The following CCDC63 variants were observed in gnomAD, a reference collection of about 807,000 sequenced individuals.
The protein encoded by CCDC63 is coiled-coil domain-containing protein 63.
In CCDC63, 54 loss-of-function variants were observed where a neutral mutation model predicts 63.6. The observed-to-expected ratio is 0.85, with a 90% CI of 0.68 to 1.07. The LOEUF is 1.07. CCDC63 is among the 50% of genes least tolerant of loss of function. The pLI is 0.00. For synonymous variants in CCDC63, 253 were observed against 266.1 expected (o/e 0.95, Z 0.48); for missense variants, 637 against 689.6 (o/e 0.92, Z 0.86).
At chr12:110,849,902 G>A (rs1472838262) in intron 1 of CCDC63, among the ~76,000 whole-genome samples, 1 of 152,180 alleles carries the variant, frequency 6.6e-6, no homozygotes, top group African/African-American at 2.4e-5. Flanking sequence ...CATTGACAAA[G>A]GGAAGTGGGG....
At chr12:110,861,376 C>T (rs920101541) in intron 4 of CCDC63, among the ~76,000 whole-genome samples, 5 of 152,218 alleles carry the variant, frequency 3.3e-5, no homozygotes, top group Admixed American at 2.0e-4. Context: ...TGCATCAGCT[C>T]TGCCTGCCTC....
intron 3 of CCDC63, among the ~76,000 whole-genome samples, chr12:110,856,925 T>G (rs909080125): frequency 6.7e-6 from 1 of 149,886 alleles, no homozygotes; most frequent in Non-Finnish European, 1.5e-5. Flanking sequence ...CTCAGCTCAC[T>G]GCAACCTCTG....
intron 10 of CCDC63, among the ~76,000 whole-genome samples, chr12:110,901,652 C>A (rs561070028): frequency 6.6e-6 from 1 of 152,270 alleles, no homozygotes; most frequent in African/African-American, 2.4e-5. Context: ...CATTGTTTTT[C>A]ATCCTGCAGA....
intron 5 of CCDC63, among the ~76,000 whole-genome samples, chr12:110,876,366 C>T (rs61940986): frequency 0.011 from 1,608 of 152,246 alleles, 12 homozygotes; most frequent in Non-Finnish European, 0.014. Flanking sequence ...TAAGAATGCT[C>T]TGCTCCCAGG....
chr12:110,861,877 G>C (rs1293514493), intron 4 of CCDC63, among the ~76,000 whole-genome samples: 1 of 151,886 alleles, frequency 6.6e-6, no homozygotes, highest in Non-Finnish European at 1.5e-5. Flanking sequence ...GGCCTCAAAT[G>C]CTACTTCTGC....
chr12:110,851,406 G>T (rs1400393721), intron 1 of CCDC63, among the ~76,000 whole-genome samples: 4 of 152,160 alleles, frequency 2.6e-5, no homozygotes, highest in African/African-American at 9.7e-5. Context: ...AGTGCAGCAG[G>T]AAACAAAGTC....
intron 8 of CCDC63, among the ~76,000 whole-genome samples, chr12:110,890,236 C>T (rs1397052155): frequency 1.3e-5 from 2 of 151,244 alleles, no homozygotes; most frequent in Admixed American, 6.6e-5. Context: ...CCTGGGAGGT[C>T]GAGGCTGTAG....
At chr12:110,892,205 C>T (rs1282495219) in intron 8 of CCDC63, among the ~76,000 whole-genome samples, 1 of 152,166 alleles carries the variant, frequency 6.6e-6, no homozygotes, top group African/African-American at 2.4e-5. Context: ...CTCTTCAATA[C>T]CATAGCCACC....
chr12:110,899,686 CCTT>C, intron 10 of CCDC63, among the ~76,000 whole-genome samples: 1 of 149,548 alleles, frequency 6.7e-6, no homozygotes, highest in Non-Finnish European at 1.5e-5. Flanking sequence ...TCTTTTAATG[CCTT>C]CTTTTTTTTT....
Position 110,852,969 on chromosome 12 carries a change from T to C in CCDC63, c.9+6T>C, listed in dbSNP as rs1222068801. On this transcript the variant is annotated splice_donor_region_variant and intron_variant, in intron 2 of 11. Transcript: ENST00000308208. ...GTTCCTTCAAGATGTCTGTGGTAGG[T>C]GATGCCAGCTCCCAGCCACAGAGCA... 1 of 1,613,946 alleles carries C rather than the reference T, an allele frequency of 6.2e-7. No homozygotes were observed. The highest frequency in any genetic ancestry group is 1.3e-5 in the African/African-American group (1 of 74,920).
At chr12:110,854,171 C>T (rs1249709393) in intron 3 of CCDC63, among the ~76,000 whole-genome samples, 2 of 151,274 alleles carry the variant, frequency 1.3e-5, no homozygotes, top group African/African-American at 2.4e-5. Context: ...ACCCTAACAA[C>T]GTTTCCTAAT....
intron 4 of CCDC63, 121 bp downstream of exon 4, chr12:110,858,896 A>G (rs1324615166): frequency 6.5e-6 from 5 of 769,944 alleles, no homozygotes; most frequent in Non-Finnish European, 1.0e-5. Flanking sequence ...TCCTCTGGAC[A>G]GCCCGCTAAA....
chr12:110,904,884 C>T lies in CCDC63; in HGVS notation c.1546+93C>T, dbSNP rs143061298. 585 of 995,614 alleles carry T rather than the reference C, an allele frequency of 5.9e-4. 1 individual carries two copies. The highest frequency in any genetic ancestry group is 6.9e-4 in the Non-Finnish European group (467 of 678,916). 61.7% of individuals were successfully genotyped at this position (995,614 alleles called of 1,614,324 possible). A position where few individuals can be genotyped will look rare whatever the true frequency, so the allele number is the denominator to read the frequency against. ...GTGTCCAGGTGCCCGAGAGGGTCTGCAGTGTTGAACCTCGGTTTCCTCTCT... is the reference window on the plus strand; with the variant it reads ...GTGTCCAGGTGCCCGAGAGGGTCTGTAGTGTTGAACCTCGGTTTCCTCTCT... On this transcript the variant is annotated intron_variant, in intron 11 of 11. Transcript: ENST00000308208.
chr12:110,860,587 A>ATATT (rs879758865), intron 4 of CCDC63, among the ~76,000 whole-genome samples: 1 of 151,774 alleles, frequency 6.6e-6, no homozygotes, highest in Admixed American at 6.6e-5. Context: ...TTATTTTTAA[A>ATATT]TATTTATTTA....
intron 9 of CCDC63, among the ~76,000 whole-genome samples, chr12:110,897,550 A>G (rs1237447525): frequency 6.6e-6 from 1 of 152,040 alleles, no homozygotes; most frequent in Non-Finnish European, 1.5e-5. Context: ...GTGAGCTATG[A>G]TCACATGACT....
intron 4 of CCDC63, among the ~76,000 whole-genome samples, chr12:110,863,191 G>A (rs1259359873): frequency 4.6e-5 from 7 of 152,198 alleles, no homozygotes; most frequent in Admixed American, 4.6e-4. Flanking sequence ...CACCAAAGTA[G>A]AGCGGGGGCC....
intron 4 of CCDC63, among the ~76,000 whole-genome samples, chr12:110,869,099 A>T (rs2071028348): frequency 6.6e-6 from 1 of 152,192 alleles, no homozygotes; most frequent in Non-Finnish European, 1.5e-5. Context: ...AGGGATGCTA[A>T]CACGGAATCC....
intron 10 of CCDC63, among the ~76,000 whole-genome samples, 154 bp from the exon 11 acceptor site, chr12:110,904,434 C>T (rs775892837): frequency 2.0e-4 from 31 of 152,178 alleles, no homozygotes; most frequent in Non-Finnish European, 3.5e-4. Flanking sequence ...TGCATAGTGA[C>T]GCCCAGGAGA....
intron 8 of CCDC63, 139 bp from the exon 9 acceptor site, chr12:110,892,937 A>G: frequency 1.5e-6 from 1 of 652,222 alleles, no homozygotes; most frequent in South Asian, 2.0e-5. Context: ...CACGGGCCTA[A>G]GAGGGGCCCA....
Sources: gnomAD v4.1 joint callset for allele counts (sites outside exome capture counted in the v4.1 genomes callset) on GRCh38, gnomAD v4.1.1 for gene constraint, MANE v1.5 for transcripts, NCBI Gene and HGNC (gene_info 2026-07-23, HGNC 2026-07-21) for gene names.